Variants in MYO3A observed in about 807,000 individuals in gnomAD.
The protein encoded by MYO3A is myosin IIIA.
A neutral mutation model predicts 192.7 loss-of-function variants in MYO3A; 180 were observed. That is an observed-to-expected ratio of 0.93 (90% confidence interval 0.83 to 1.06). MYO3A has a LOEUF of 1.06. MYO3A is among the 50% of genes least tolerant of loss of function. The pLI, the probability that MYO3A is intolerant of heterozygous loss-of-function variation, is 0.00. For missense variants in MYO3A, 1,896 were observed against 1,905.0 expected, an observed-to-expected ratio of 1.00 and a Z score of 0.09; for synonymous variants, 628 against 645.3, an observed-to-expected ratio of 0.97 and a Z score of 0.41.
At chr10:25,961,309 A>G (rs1837915761) in intron 4 of MYO3A, among the ~76,000 whole-genome samples, 1 of 152,114 alleles carries the variant, frequency 6.6e-6, no homozygotes, top group South Asian at 2.1e-4. Flanking sequence ...TGCCTATTAA[A>G]TCCCTATTCT....
At chr10:26,109,646 A>G (rs1838039577) in intron 17 of MYO3A, among the ~76,000 whole-genome samples, 1 of 152,212 alleles carries the variant, frequency 6.6e-6, no homozygotes. Context: ...CTGGTGTGTT[A>G]CAGTCAAACA....
intron 2 of MYO3A, among the ~76,000 whole-genome samples, chr10:25,938,397 G>A (rs1056631653): frequency 2.0e-5 from 3 of 152,148 alleles, no homozygotes; most frequent in African/African-American, 7.2e-5. Context: ...GATCATTCAG[G>A]GTCTGGAGAA....
chr10:26,010,139 A>C (rs915837160), intron 6 of MYO3A, among the ~76,000 whole-genome samples: 1 of 152,214 alleles, frequency 6.6e-6, no homozygotes, highest in African/African-American at 2.4e-5. Flanking sequence ...AAAGCCATAT[A>C]ATTATCTTTA....
Position 26,212,103 on chromosome 10 carries a change from G to A in MYO3A, c.*140G>A, listed in dbSNP as rs745519146. 4.7e-6 allele frequency: 6 copies of A among 1,288,856 alleles called. No homozygotes were observed. The highest frequency in any genetic ancestry group is 1.7e-5 in the South Asian group (1 of 57,628). 79.8% of individuals were successfully genotyped at this position (1,288,856 alleles called of 1,614,324 possible). On this transcript the variant is annotated 3_prime_UTR_variant, in exon 35 of 35. Coordinates refer to ENST00000642920, the MANE Select transcript of MYO3A (RefSeq NM_017433.5). The stretch of plus-strand genomic sequence containing the variant: ...TCCGCAGAGGCTGCCTGCTGCGCTC[G>A]GCCCTCAAGTGCCCGGGCCGGCCTT...
At chr10:26,025,195 A>G (rs553852520) in intron 9 of MYO3A, among the ~76,000 whole-genome samples, 34 of 152,290 alleles carry the variant, frequency 2.2e-4, no homozygotes, top group African/African-American at 8.2e-4. Context: ...CTTATTCCTT[A>G]GCATATTTTA....
chr10:25,973,503 C>T (rs182375982), intron 4 of MYO3A, among the ~76,000 whole-genome samples: 51 of 152,290 alleles, frequency 3.3e-4, no homozygotes, highest in Non-Finnish European at 4.1e-4. Context: ...CTGGCCAGAA[C>T]TTCCAATACT....
At chr10:26,031,366 G>C (rs1443876924) in intron 10 of MYO3A, among the ~76,000 whole-genome samples, 1 of 152,216 alleles carries the variant, frequency 6.6e-6, no homozygotes, top group Non-Finnish European at 1.5e-5. Context: ...AGTGACACTA[G>C]TTTCTTGAAT....
At chr10:26,139,547 C>T (rs115276333) in intron 20 of MYO3A, among the ~76,000 whole-genome samples, 1,831 of 152,274 alleles carry the variant, frequency 0.012, 50 homozygotes, top group African/African-American at 0.041. Context: ...GGTGAGGATG[C>T]AGCAAGTTAG....
chr10:26,193,385 A>C, intron 32 of MYO3A, 74 bp downstream of exon 32: 1 of 1,249,394 alleles, frequency 8.0e-7, no homozygotes, highest in Non-Finnish European at 1.2e-6. Flanking sequence ...CTGTGGCTAG[A>C]TTAGTTCAGG....
chr10:26,044,846 T>C, intron 10 of MYO3A, among the ~76,000 whole-genome samples: 1 of 152,192 alleles, frequency 6.6e-6, no homozygotes, highest in East Asian at 1.9e-4. Context: ...CAGCTGTGCT[T>C]TTCCATGTCA....
intron 4 of MYO3A, among the ~76,000 whole-genome samples, chr10:25,968,343 T>G (rs1838390189): frequency 6.6e-6 from 1 of 152,166 alleles, no homozygotes; most frequent in African/African-American, 2.4e-5. Context: ...AAAACAGACA[T>G]TTATGTCAAA....
chr10:25,948,907 T>A (rs16926494), intron 2 of MYO3A, among the ~76,000 whole-genome samples: 9,885 of 152,208 alleles, frequency 0.065, 334 homozygotes, highest in African/African-American at 0.084. Flanking sequence ...GTGACTTTTT[T>A]AAATAATGTT....
chr10:25,999,916 G>A (rs11014893), intron 6 of MYO3A, among the ~76,000 whole-genome samples: 2 of 152,070 alleles, frequency 1.3e-5, no homozygotes, highest in South Asian at 2.1e-4. Flanking sequence ...GTTAGATATC[G>A]CCAAATTCCA....
intron 6 of MYO3A, among the ~76,000 whole-genome samples, chr10:26,012,196 T>A (rs1248443771): frequency 6.6e-6 from 1 of 152,030 alleles, no homozygotes; most frequent in East Asian, 1.9e-4. Flanking sequence ...ACAAGACAAG[T>A]AGGCCCACTT....
intron 20 of MYO3A, among the ~76,000 whole-genome samples, chr10:26,134,435 A>C (rs1839730636): frequency 6.6e-6 from 1 of 152,096 alleles, no homozygotes; most frequent in Non-Finnish European, 1.5e-5. Context: ...ATCTTATTTC[A>C]TAACAAGAGT....
At chr10:26,087,690 A>G (rs551107764) in intron 14 of MYO3A, among the ~76,000 whole-genome samples, 1 of 152,338 alleles carries the variant, frequency 6.6e-6, no homozygotes, top group South Asian at 2.1e-4. Context: ...TAAGCCTGCT[A>G]ACCTTGACCT....
chr10:26,166,061 T>C lies in MYO3A; in HGVS notation c.3000-6T>C. Reference sequence around the variant, plus strand: ...AATACTAACCAGCCCTTTTTTCCATTCCAAGGTACTACCTTCTCTGCTACA... The same window carrying C: ...AATACTAACCAGCCCTTTTTTCCATCCCAAGGTACTACCTTCTCTGCTACA... On this transcript the variant is annotated splice_region_variant and splice_polypyrimidine_tract_variant and intron_variant, in intron 26 of 34. Coordinates refer to ENST00000642920, the MANE Select transcript of MYO3A (RefSeq NM_017433.5). The C allele has an allele frequency of 6.2e-7, 1 of 1,613,088 alleles. No individual in the cohort carries two copies.
chr10:26,185,290 A>ATT (rs1382420094), intron 31 of MYO3A, among the ~76,000 whole-genome samples: 3 of 127,038 alleles, frequency 2.4e-5, no homozygotes, highest in African/African-American at 5.8e-5. Context: ...CATATTTATG[A>ATT]TTTTACATCA....
intron 10 of MYO3A, among the ~76,000 whole-genome samples, chr10:26,052,206 A>G (rs1352411666): frequency 1.3e-5 from 2 of 152,222 alleles, no homozygotes; most frequent in East Asian, 3.8e-4. Flanking sequence ...ACGGATTTTC[A>G]TCTACTTTCA....
Sources: gnomAD v4.1 joint callset for allele counts (sites outside exome capture counted in the v4.1 genomes callset) on GRCh38, gnomAD v4.1.1 for gene constraint, MANE v1.5 for transcripts, NCBI Gene and HGNC (gene_info 2026-07-23, HGNC 2026-07-21) for gene names.